ALDH1L2: variants seen among roughly 807,000 people sequenced by gnomAD.
ALDH1L2 encodes aldehyde dehydrogenase 1 family member L2.
ALDH1L2 carries 91 observed loss-of-function variants against 111.0 expected under a neutral mutation model. The observed-to-expected ratio is 0.82, with a 90% CI of 0.69 to 0.98. The LOEUF is 0.98. Ranked by LOEUF, ALDH1L2 falls within the 50% of genes least tolerant of loss-of-function variation. ALDH1L2 has a pLI of 0.00. For missense variants in ALDH1L2, 995 were observed against 1,126.8 expected, an observed-to-expected ratio of 0.88 and a Z score of 1.67; for synonymous variants, 374 against 392.6, an observed-to-expected ratio of 0.95 and a Z score of 0.56.
At chr12:105,051,199 C>T (rs530992157) in intron 12 of ALDH1L2, among the ~76,000 whole-genome samples, 10 of 152,320 alleles carry the variant, frequency 6.6e-5, no homozygotes, top group African/African-American at 2.4e-4. Flanking sequence ...CCATTCTCCA[C>T]CCTGCTCTGT....
At chr12:105,028,028 T>A (rs1384920804) in intron 21 of ALDH1L2, among the ~76,000 whole-genome samples, 3 of 152,210 alleles carry the variant, frequency 2.0e-5, no homozygotes, top group Non-Finnish European at 4.4e-5. Context: ...TCATAGTGTA[T>A]GTACCTTCTT....
intron 6 of ALDH1L2, among the ~76,000 whole-genome samples, chr12:105,064,298 A>G (rs546065268): frequency 1.3e-5 from 2 of 151,690 alleles, no homozygotes; most frequent in East Asian, 3.9e-4. Flanking sequence ...TTTAATCTTC[A>G]CAATTACCCA....
At chr12:105,051,974 G>C (rs971612893) in intron 12 of ALDH1L2, 116 bp downstream of exon 12, 1 of 968,020 alleles carries the variant, frequency 1.0e-6, no homozygotes, top group Non-Finnish European at 1.4e-6. Context: ...TTGGGAGGCT[G>C]AGGCAGGTGA....
At chr12:105,034,537 G>T in intron 18 of ALDH1L2, 139 bp from the exon 19 acceptor site, 1 of 667,064 alleles carries the variant, frequency 1.5e-6, no homozygotes, top group Non-Finnish European at 2.5e-6. Context: ...TCTTGGCCTT[G>T]TTAGTGATGA....
rs1565960621 is a variant in ALDH1L2, at chr12:105,052,224, CAAGGT to C, written c.1408-12_1408-8del. On this transcript the variant is annotated splice_polypyrimidine_tract_variant and splice_region_variant and intron_variant, in intron 11 of 22. Transcript: ENST00000258494. The stretch of plus-strand genomic sequence containing the variant: ...AGGATACTTTGCATATTGTCTATTT[CAAGGT>C]AAGTAAAAATAGGCCCCATGAGAGA... 6.3e-7 allele frequency: 1 copy of C among 1,589,842 alleles called. No individual in the cohort carries two copies. Among genetic ancestry groups the C allele is most frequent in the Non-Finnish European group, 8.5e-7 (1 of 1,171,312 alleles).
chr12:105,039,163 T>C (rs978470236), intron 17 of ALDH1L2, among the ~76,000 whole-genome samples: 10 of 152,222 alleles, frequency 6.6e-5, no homozygotes, highest in Admixed American at 5.9e-4. Context: ...ATCCAGTGTA[T>C]ACAATGTTAT....
At position 105,024,477 on chromosome 12, in the gene ALDH1L2, C is replaced by T. The variant is rs781314867; in HGVS notation, c.2719G>A (p.Glu907Lys). 1.9e-6 allele frequency: 3 copies of T among 1,613,966 alleles called. No individual in the cohort carries two copies. The highest frequency in any genetic ancestry group is 2.5e-6 in the Non-Finnish European group (3 of 1,179,902). Residue 907 changes from glutamate to lysine, a missense_variant and splice_region_variant, in exon 23 of 23, where the codon GAG (glutamate) becomes AAG (lysine). Glu to Lys is a moderately conservative substitution (Grantham distance 56, BLOSUM62 1). Transcript: ENST00000258494. The part of the protein sequence containing the change: ...KQSGFGKDLG[E>K]EALNEYLKTK... ...TTGAGATATTCATTTAGAGCTTCCT[C>T]ACCTAGGGAAGAGAAAAGCAGTTGA...
At chr12:105,056,928 A>G (rs1269317253) in intron 10 of ALDH1L2, among the ~76,000 whole-genome samples, 1 of 151,686 alleles carries the variant, frequency 6.6e-6, no homozygotes, top group Non-Finnish European at 1.5e-5. Flanking sequence ...GACTTCATCA[A>G]AATTAAAACC....
At chr12:105,037,825 C>T (rs139291577) in intron 18 of ALDH1L2, among the ~76,000 whole-genome samples, 1,903 of 149,974 alleles carry the variant, frequency 0.013, 54 homozygotes, top group African/African-American at 0.045. Context: ...AGTGCAGTGG[C>T]GTGATCTCAG....
chr12:105,064,109 C>T (rs994024910), intron 6 of ALDH1L2, among the ~76,000 whole-genome samples: 16 of 113,826 alleles, frequency 1.4e-4, no homozygotes, highest in African/African-American at 5.8e-4. Context: ...TGCCACCACA[C>T]CGAGCTTTTT....
intron 17 of ALDH1L2, 30 bp from the exon 18 acceptor site, chr12:105,038,232 T>G (rs1875276979): frequency 2.7e-6 from 4 of 1,467,894 alleles, no homozygotes; most frequent in African/African-American, 1.4e-5. Context: ...AAATGAGCAT[T>G]TAGTTAACAT....
At position 105,040,806 on chromosome 12, in the gene ALDH1L2, A is replaced by G. The variant is rs532988221; in HGVS notation, c.1864-112T>C. On this transcript the variant is annotated intron_variant, in intron 15 of 22. Transcript: ENST00000258494. ...AGATCTCATTTTATTTTTATTGTAC[A>G]TTGTCTTATTTTTTTGCCATAATTT... is the stretch of plus-strand genomic sequence containing the variant. 5 of 865,252 alleles carry G rather than the reference A, an allele frequency of 5.8e-6. No homozygotes were observed. In the East Asian group the frequency reaches 9.8e-5, roughly 17 times the overall value. 53.6% of individuals were successfully genotyped at this position (865,252 alleles called of 1,614,324 possible).
chr12:105,078,950 G>A (rs921922435), intron 1 of ALDH1L2, among the ~76,000 whole-genome samples: 27 of 152,198 alleles, frequency 1.8e-4, no homozygotes, highest in African/African-American at 3.1e-4. Flanking sequence ...AAGCGACACC[G>A]TAGCAAGAGA....
intron 8 of ALDH1L2, 35 bp from the exon 9 acceptor site, chr12:105,061,107 C>T (rs755513703): frequency 3.2e-6 from 5 of 1,563,376 alleles, no homozygotes; most frequent in Admixed American, 1.7e-5. Flanking sequence ...AGGGAAGTGC[C>T]ACGTAGAACA....
chr12:105,050,372 C>T lies in ALDH1L2; in HGVS notation c.1536-314G>A, dbSNP rs565127963. On this transcript the variant is annotated intron_variant, in intron 12 of 22. Coordinates refer to ENST00000258494, the MANE Select transcript of ALDH1L2 (RefSeq NM_001034173.4). ...AACCACATTCCCAGAACCCACACTT[C>T]TGAGAACCCATGAACATTTGAGGAT... The T allele has an allele frequency of 1.5e-5, 3 of 204,142 alleles. No homozygotes were observed. In the East Asian group the frequency reaches 3.9e-4, roughly 27 times the overall value. 12.6% of individuals were successfully genotyped at this position (204,142 alleles called of 1,614,324 possible). A position where few individuals can be genotyped will look rare whatever the true frequency, so the allele number is the denominator to read the frequency against.
rs150280491 is a variant in ALDH1L2 at position 105,069,514 on chromosome 12, T to G, written c.429-630A>C. ...CTATCAAGATCCTTGAAAATATTCA[T>G]GTGCTTTGATCCAATGATTCTGCAT... On this transcript the variant is annotated intron_variant, in intron 3 of 22. Transcript: ENST00000258494. Among the ~76,000 whole-genome samples the G allele has an allele frequency of 3.9e-5, 6 of 152,364 alleles. No individual in the cohort carries two copies. The East Asian group carries it at 1.2e-3, about 29-fold the overall frequency.
In ALDH1L2 at chr12:105,052,907, T is replaced by C. The variant is rs1876385576; in HGVS notation, c.1312A>G (p.Met438Val). The C allele has an allele frequency of 1.2e-6, 2 of 1,613,852 alleles. No individual in the cohort carries two copies. The highest frequency in any genetic ancestry group is 8.5e-7 in the Non-Finnish European group (1 of 1,179,714). Residue 438 changes from methionine (M) to valine (V), a missense_variant, in exon 11 of 23, where the codon ATG (methionine) becomes GTG (valine). By Grantham distance (21) the Met-to-Val change is conservative. Coordinates refer to ENST00000258494, the MANE Select transcript of ALDH1L2 (RefSeq NM_001034173.4). ...DYISKEVNEI[M>V]VKMPYQCFIN... ...AAACACTGGTATGGCATTTTTACCA[T>C]GATTTCATTGACCTCCTTTGAAATC...
chr12:105,040,711 A>T lies in ALDH1L2; in HGVS notation c.1864-17T>A, dbSNP rs763341199. 3.4e-5 allele frequency: 55 copies of T among 1,612,214 alleles called. No individual in the cohort carries two copies. Among genetic ancestry groups the T allele is most frequent in the Non-Finnish European group, 4.3e-5 (51 of 1,178,356 alleles). ...GGGCGTGACCTGAGGAGAAGCAAAC[A>T]GCAATTACCTTCTTCAGGCCCTAAC... is the stretch of plus-strand genomic sequence containing the variant. On this transcript the variant is annotated splice_polypyrimidine_tract_variant and intron_variant, in intron 15 of 22. Transcript: ENST00000258494.
rs1182802302 is a variant in ALDH1L2, at chr12:105,036,514, TTATATATATATATATA to T, written c.2145+1573_2145+1588del. On this transcript the variant is annotated intron_variant, in intron 18 of 22. Transcript: ENST00000258494. The stretch of plus-strand genomic sequence containing the variant: ...ATATTTATATATGTATATATATATT[TTATATATATATATATA>T]TATATATATATATATATATATATAT... Among the ~76,000 whole-genome samples the T allele has an allele frequency of 4.2e-3, 100 of 23,658 alleles. 5 individuals carry two copies. Among genetic ancestry groups the T allele is most frequent in the African/African-American group, 6.2e-3 (52 of 8,394 alleles). The allele number at this position is 23,658 out of a possible 152,430, so 15.5% of individuals were successfully genotyped here. A position where few individuals can be genotyped will look rare whatever the true frequency, so the allele number is the denominator to read the frequency against.
Sources: allele counts gnomAD v4.1 joint callset (sites outside exome capture counted in the v4.1 genomes callset), GRCh38; gene constraint gnomAD v4.1.1; transcripts MANE v1.5; gene names NCBI Gene and HGNC (gene_info 2026-07-23, HGNC 2026-07-21).